The following NYAP2 variants were observed in gnomAD, a reference collection of about 807,000 sequenced individuals.
NYAP2 encodes the protein neuronal tyrosine-phosphorylated phosphoinositide-3-kinase adaptor 2, also known as neuronal tyrosine-phosphorylated phosphoinositide-3-kinase adapter 2.
Under a neutral mutation model 50.4 loss-of-function variants are expected in NYAP2, and 23 were observed. That is an observed-to-expected ratio of 0.46 (90% confidence interval 0.33 to 0.65). NYAP2 has a LOEUF of 0.65. Among genes scored for constraint, NYAP2 ranks in the 30% least tolerant of loss-of-function variants. NYAP2 has a pLI of 0.02. For synonymous variants in NYAP2, 394 were observed against 365.2 expected (o/e 1.08, Z -0.90); for missense variants, 885 against 861.0 (o/e 1.03, Z -0.35).
At chr2:225,615,233 C>T (rs758842618) in intron 5 of NYAP2, among the ~76,000 whole-genome samples, 1 of 152,156 alleles carries the variant, frequency 6.6e-6, no homozygotes, top group Non-Finnish European at 1.5e-5. Context: ...TGGCTAGTCT[C>T]TTGACTTCCT....
In NYAP2 at chr2:225,453,828, C is replaced by T. The variant is rs529364570; in HGVS notation, c.221+44727C>T. 7.0e-4 allele frequency among the ~76,000 whole-genome samples: 102 copies of T among 146,140 alleles called. 1 individual carries two copies. Among genetic ancestry groups the T allele is most frequent in the Admixed American group, 1.9e-3 (28 of 14,866 alleles). On this transcript the variant is annotated intron_variant, in intron 3 of 6. Transcript: ENST00000636099. ...GTTTATAGGTGCCCTCCACCACGCCCGGCTAATTTTTTTTTTTTTTTTTTT... is the reference window on the plus strand; with the variant it reads ...GTTTATAGGTGCCCTCCACCACGCCTGGCTAATTTTTTTTTTTTTTTTTTT...
At chr2:225,433,565 G>A (rs2106135470) in intron 3 of NYAP2, among the ~76,000 whole-genome samples, 1 of 152,074 alleles carries the variant, frequency 6.6e-6, no homozygotes, top group Non-Finnish European at 1.5e-5. Flanking sequence ...TGATATGTAT[G>A]TCTATTTTAG....
the NYAP2 span, among the ~76,000 whole-genome samples, chr2:225,697,894 T>C: frequency 6.6e-6 from 1 of 151,922 alleles, no homozygotes; most frequent in African/African-American, 2.4e-5. Context: ...GTTTTTGGAC[T>C]GGGCATAGTA....
intron 3 of NYAP2, among the ~76,000 whole-genome samples, chr2:225,420,318 A>T (rs920023166): frequency 7.2e-5 from 11 of 152,230 alleles, no homozygotes; most frequent in African/African-American, 2.2e-4. Flanking sequence ...GTTTTGGTGA[A>T]ACTGCCACAC....
intron 5 of NYAP2, 40 bp downstream of exon 5, chr2:225,583,075 C>T (rs1168734405): frequency 6.3e-7 from 1 of 1,583,872 alleles, no homozygotes; most frequent in Non-Finnish European, 8.6e-7. Flanking sequence ...GAGCCCAGTG[C>T]CAGGCTTACA....
chr2:225,627,212 C>G (rs1287914870), intron 6 of NYAP2, 86 bp downstream of exon 6: 2 of 998,260 alleles, frequency 2.0e-6, no homozygotes, highest in Non-Finnish European at 3.1e-6. Context: ...GAATTATCAC[C>G]ACAGATATCT....
rs1419521083 is a variant in NYAP2 at position 225,605,829 on chromosome 2, G to T, written c.1619-21088G>T. Among the ~76,000 whole-genome samples, 3 of 151,424 alleles carry T rather than the reference G, an allele frequency of 2.0e-5. No individual in the cohort carries two copies. The East Asian group carries it at 5.8e-4, about 29-fold the overall frequency. ...TTCTACTTTTCTTTTCTTTCTCTTG[G>T]GGCAAACAGGACAAATAAAATGCTT... On this transcript the variant is annotated intron_variant, in intron 5 of 6. Coordinates refer to ENST00000636099, the Ensembl canonical transcript of NYAP2.
the NYAP2 span, among the ~76,000 whole-genome samples, chr2:225,698,045 G>T: frequency 6.6e-6 from 1 of 151,718 alleles, no homozygotes; most frequent in African/African-American, 2.4e-5. Flanking sequence ...GGGCATGGTG[G>T]TATATGCTTG....
At chr2:225,547,979 G>A (rs1211315267) in intron 4 of NYAP2, among the ~76,000 whole-genome samples, 4 of 152,002 alleles carry the variant, frequency 2.6e-5, no homozygotes, top group Non-Finnish European at 1.5e-5. Flanking sequence ...AAATACATAT[G>A]CATTGAAGTT....
chr2:225,622,513 TCTTTC>T (rs1693124618), intron 5 of NYAP2, among the ~76,000 whole-genome samples: 2 of 33,894 alleles, frequency 5.9e-5, no homozygotes, highest in Admixed American at 9.8e-4. Context: ...TTTCTTTCTT[TCTTTC>T]TTCTTTCTTT....
chr2:225,596,730 A>G (rs1692606309), intron 5 of NYAP2, among the ~76,000 whole-genome samples: 1 of 152,196 alleles, frequency 6.6e-6, no homozygotes, highest in South Asian at 2.1e-4. Context: ...TAGGAACCAA[A>G]TGTTTCAAGG....
intron 4 of NYAP2, among the ~76,000 whole-genome samples, chr2:225,570,505 C>T (rs1318310621): frequency 6.6e-6 from 1 of 152,154 alleles, no homozygotes; most frequent in East Asian, 1.9e-4. Flanking sequence ...TGGATGGCAC[C>T]TCTTCACAGG....
the NYAP2 span, among the ~76,000 whole-genome samples, chr2:225,683,681 G>T: frequency 6.6e-6 from 1 of 151,730 alleles, no homozygotes. Flanking sequence ...GTGCTCCAAA[G>T]GGAAAGGTGT....
chr2:225,542,899 C>T (rs192279938), intron 4 of NYAP2, among the ~76,000 whole-genome samples: 1 of 151,994 alleles, frequency 6.6e-6, no homozygotes, highest in South Asian at 2.1e-4. Context: ...AGGTCACAGG[C>T]TTTTCTTTGT....
the NYAP2 span, among the ~76,000 whole-genome samples, chr2:225,685,964 T>C: frequency 1.3e-5 from 2 of 152,170 alleles, no homozygotes; most frequent in Non-Finnish European, 2.9e-5. Flanking sequence ...GTCTTTTTCA[T>C]GCAATATTAT....
chr2:225,534,173 C>T (rs116459256), intron 4 of NYAP2, among the ~76,000 whole-genome samples: 15 of 152,222 alleles, frequency 9.9e-5, no homozygotes, highest in African/African-American at 2.2e-4. Flanking sequence ...GGAAATATTG[C>T]GTCTGAAGGC....
At position 225,487,767 on chromosome 2, in the gene NYAP2, T is replaced by C. The variant is rs1287391542; in HGVS notation, c.222-25604T>C. On this transcript the variant is annotated intron_variant, in intron 3 of 6. Transcript: ENST00000636099. ...ATTTATTTATGGGGATGTTTGTTCATAGATATATAGATATATTTTAGCAGT... is the reference window on the plus strand; with the variant it reads ...ATTTATTTATGGGGATGTTTGTTCACAGATATATAGATATATTTTAGCAGT... 3.3e-5 allele frequency among the ~76,000 whole-genome samples: 5 copies of C among 152,246 alleles called. No homozygotes were observed. In the East Asian group the frequency reaches 5.8e-4, roughly 18 times the overall value.
At position 225,642,664 on chromosome 2, in the gene NYAP2, G is replaced by A. The variant is rs750702752; in HGVS notation, c.1829-8768G>A. ...ATGAGACCAAAGGGATAGAATAATCGATTGGACAGACTTGATTCATGTGGC... is the reference window on the plus strand; with the variant it reads ...ATGAGACCAAAGGGATAGAATAATCAATTGGACAGACTTGATTCATGTGGC... On this transcript the variant is annotated intron_variant, in intron 6 of 6. Coordinates refer to ENST00000636099, the Ensembl canonical transcript of NYAP2. Among the ~76,000 whole-genome samples, 10 of 152,256 alleles carry A rather than the reference G, an allele frequency of 6.6e-5. No homozygotes were observed. The East Asian group carries it at 1.4e-3, about 21-fold the overall frequency.
chr2:225,662,325 A>G, the NYAP2 span, among the ~76,000 whole-genome samples: 13 of 152,394 alleles, frequency 8.5e-5, no homozygotes, highest in Non-Finnish European at 1.5e-4. Context: ...CATGTGCACA[A>G]GTGTCTGTGG....
Sources: gnomAD v4.1 joint callset for allele counts (sites outside exome capture counted in the v4.1 genomes callset) on GRCh38, gnomAD v4.1.1 for gene constraint, MANE v1.5 for transcripts, NCBI Gene and HGNC (gene_info 2026-07-23, HGNC 2026-07-21) for gene names.